The following SEMA5A variants were observed in gnomAD, a reference collection of about 807,000 sequenced individuals.
SEMA5A encodes semaphorin-5A.
A neutral mutation model predicts 135.5 loss-of-function variants in SEMA5A; 55 were observed. The observed-to-expected ratio is 0.41, with a 90% CI of 0.33 to 0.51. The LOEUF (loss-of-function observed/expected upper bound fraction) is 0.51, where lower values mean the gene tolerates loss of function less well. Ranked by LOEUF, SEMA5A falls within the 20% of genes least tolerant of loss-of-function variation. The probability of loss-of-function intolerance (pLI) is 0.37; values close to 1 mark genes in which losing one functional copy is unlikely to be tolerated. For synonymous variants in SEMA5A, 580 were observed against 546.5 expected, an observed-to-expected ratio of 1.06 and a Z score of -0.85; for missense variants, 1,290 against 1,419.9, an observed-to-expected ratio of 0.91 and a Z score of 1.47.
At chr5:9,155,791 A>G (rs559524692) in intron 11 of SEMA5A, among the ~76,000 whole-genome samples, 3 of 152,294 alleles carry the variant, frequency 2.0e-5, no homozygotes, top group Admixed American at 1.3e-4. Context: ...TTCTCTCTCT[A>G]TGAAAGCCAT....
chr5:9,440,041 G>C (rs945694853), intron 1 of SEMA5A, among the ~76,000 whole-genome samples: 2 of 152,260 alleles, frequency 1.3e-5, no homozygotes. Flanking sequence ...CTGCTCCTGA[G>C]GGTCAGCCCT....
At chr5:9,364,314 T>A (rs1754825274) in intron 3 of SEMA5A, among the ~76,000 whole-genome samples, 1 of 152,218 alleles carries the variant, frequency 6.6e-6, no homozygotes, top group Non-Finnish European at 1.5e-5. Context: ...ATGGTGTGAA[T>A]AATGCCTTTG....
At chr5:9,273,634 C>T (rs535268174) in intron 5 of SEMA5A, among the ~76,000 whole-genome samples, 145 of 152,218 alleles carry the variant, frequency 9.5e-4, no homozygotes, top group African/African-American at 3.4e-3. Context: ...AGACTAACAG[C>T]AGATCTCGCA....
chr5:9,089,232 G>A (rs990461075), intron 16 of SEMA5A, among the ~76,000 whole-genome samples: 10 of 152,176 alleles, frequency 6.6e-5, no homozygotes, highest in Admixed American at 1.3e-4. Context: ...AAGACATGGC[G>A]CTAATGCGAT....
chr5:9,439,871 C>T (rs1352805672), intron 1 of SEMA5A, among the ~76,000 whole-genome samples: 1 of 152,220 alleles, frequency 6.6e-6, no homozygotes, highest in Non-Finnish European at 1.5e-5. Flanking sequence ...ACACAGCTTC[C>T]TACAGAGTTT....
chr5:9,387,206 C>A (rs1755932716), intron 2 of SEMA5A, among the ~76,000 whole-genome samples: 1 of 152,148 alleles, frequency 6.6e-6, no homozygotes, highest in South Asian at 2.1e-4. Flanking sequence ...CCTGAATCAC[C>A]CCCAGACCAG....
intron 3 of SEMA5A, among the ~76,000 whole-genome samples, chr5:9,356,469 G>A (rs1754451963): frequency 6.6e-6 from 1 of 152,042 alleles, no homozygotes; most frequent in Admixed American, 6.5e-5. Flanking sequence ...AGACACTTTG[G>A]ATTCCAAATC....
intron 4 of SEMA5A, among the ~76,000 whole-genome samples, chr5:9,329,099 C>G (rs1480572052): frequency 6.6e-6 from 1 of 152,200 alleles, no homozygotes; most frequent in African/African-American, 2.4e-5. Flanking sequence ...AAGCATCTCT[C>G]AGGCCCCGTT....
At position 9,365,094 on chromosome 5, in the gene SEMA5A, A is replaced by T. The variant is rs566087566; in HGVS notation, c.124+14729T>A. Among the ~76,000 whole-genome samples, 3 of 152,326 alleles carry T rather than the reference A, an allele frequency of 2.0e-5. No homozygotes were observed. In the East Asian group the frequency reaches 5.8e-4, roughly 29 times the overall value. On this transcript the variant is annotated intron_variant, in intron 3 of 22. Coordinates refer to ENST00000382496, the MANE Select transcript of SEMA5A (RefSeq NM_003966.3). ...GACAGACATATTCCACAACACATAT[A>T]TAAGGATACCCATTTCTGTGGGCAG...
At chr5:9,208,026 G>A (rs1746143825) in intron 8 of SEMA5A, among the ~76,000 whole-genome samples, 1 of 152,058 alleles carries the variant, frequency 6.6e-6, no homozygotes, top group Non-Finnish European at 1.5e-5. Flanking sequence ...TCCACCTACT[G>A]GCTGTGTGAA....
chr5:9,415,707 T>C (rs1757260887), intron 2 of SEMA5A, among the ~76,000 whole-genome samples: 1 of 152,180 alleles, frequency 6.6e-6, no homozygotes, highest in African/African-American at 2.4e-5. Context: ...ATATATGTAA[T>C]AGAAGCCCTG....
Position 9,041,797 on chromosome 5 carries a change from G to A in SEMA5A, c.*1100C>T, listed in dbSNP as rs1252959560. The A allele has an allele frequency of 6.6e-6, 1 of 152,634 alleles. No individual in the cohort carries two copies. The highest frequency in any genetic ancestry group is 1.5e-5 in the Non-Finnish European group (1 of 68,050). The allele number at this position is 152,634 out of a possible 1,614,324, so 9.5% of individuals were successfully genotyped here. Reference sequence around the variant, plus strand: ...GTGTGGACCTGGCAGACTCCAGAAAGCCAGCTTTACATGGTATTAATGCTC... The same window carrying A: ...GTGTGGACCTGGCAGACTCCAGAAAACCAGCTTTACATGGTATTAATGCTC... On this transcript the variant is annotated 3_prime_UTR_variant, in exon 23 of 23. Coordinates refer to ENST00000382496, the MANE Select transcript of SEMA5A (RefSeq NM_003966.3).
chr5:9,112,605 C>T (rs1423874862), intron 15 of SEMA5A, among the ~76,000 whole-genome samples: 1 of 152,186 alleles, frequency 6.6e-6, no homozygotes, highest in East Asian at 1.9e-4. Flanking sequence ...GTTTGGCTCA[C>T]CACAGGATTC....
chr5:9,462,266 A>G (rs1212228112), intron 1 of SEMA5A, among the ~76,000 whole-genome samples: 1 of 152,212 alleles, frequency 6.6e-6, no homozygotes, highest in African/African-American at 2.4e-5. Context: ...AACCAAAACC[A>G]CAATGAGATA....
intron 4 of SEMA5A, among the ~76,000 whole-genome samples, chr5:9,334,697 G>A (rs1379300261): frequency 6.6e-6 from 1 of 151,740 alleles, no homozygotes; most frequent in Admixed American, 6.6e-5. Context: ...TTTTTTTTCT[G>A]TTATTATTTA....
rs1207981083 is a variant in SEMA5A, at chr5:9,268,719, C to T, written c.271-30829G>A. On this transcript the variant is annotated intron_variant, in intron 5 of 22. Transcript: ENST00000382496. ...CCCGCACTGTGGCAAATTTCATTTA[C>T]ATCACACTTCATAAATAATCACCTT... Among the ~76,000 whole-genome samples, 8 of 152,254 alleles carry T rather than the reference C, an allele frequency of 5.3e-5. No homozygotes were observed. The South Asian group carries it at 8.3e-4, about 16-fold the overall frequency.
chr5:9,521,445 CT>C (rs1441792018), intron 1 of SEMA5A, among the ~76,000 whole-genome samples: 3 of 152,048 alleles, frequency 2.0e-5, no homozygotes, highest in Non-Finnish European at 2.9e-5. Context: ...AATGAAATGT[CT>C]TTAAAAGTTT....
rs1259313710 is a variant in SEMA5A, at chr5:9,190,272, G to A, written c.1268C>T (p.Ala423Val). 6.2e-7 allele frequency: 1 copy of A among 1,613,998 alleles called. No individual in the cohort carries two copies. Among genetic ancestry groups the A allele is most frequent in the Non-Finnish European group, 8.5e-7 (1 of 1,180,000 alleles). The stretch of plus-strand genomic sequence containing the variant: ...GAGGGGGCCAGAGCTCCTACCTGTG[G>A]CCAAATAGATGATGTGGACGAGCGC... ...REALVHIIYL[A>V]TDYGTIKKVR... The change falls in exon 11 of 23, where the codon GCC becomes GTC. Residue 423 changes from alanine (A) to valine (V), a missense_variant. Transcript: ENST00000382496.
chr5:9,176,402 G>T (rs1213284964), intron 11 of SEMA5A, among the ~76,000 whole-genome samples: 1 of 152,192 alleles, frequency 6.6e-6, no homozygotes, highest in Non-Finnish European at 1.5e-5. Flanking sequence ...CACTAGTCAA[G>T]CCTTCAGATG....
Sources: allele counts gnomAD v4.1 joint callset (sites outside exome capture counted in the v4.1 genomes callset), GRCh38; gene constraint gnomAD v4.1.1; transcripts MANE v1.5; gene names NCBI Gene and HGNC (gene_info 2026-07-23, HGNC 2026-07-21).